STARD13: variants seen among roughly 807,000 people sequenced by gnomAD.
The protein encoded by STARD13 is stAR-related lipid transfer protein 13.
A neutral mutation model predicts 106.4 loss-of-function variants in STARD13; 62 were observed. That is an observed-to-expected ratio of 0.58 (90% confidence interval 0.48 to 0.72). The LOEUF (loss-of-function observed/expected upper bound fraction) is 0.72, where lower values mean the gene tolerates loss of function less well. Ranked by LOEUF, STARD13 falls within the 30% of genes least tolerant of loss-of-function variation. The probability of loss-of-function intolerance (pLI) is 0.00; values close to 1 mark genes in which losing one functional copy is unlikely to be tolerated. For missense variants in STARD13, 1,387 were observed against 1,424.0 expected (o/e 0.97, Z 0.42); for synonymous variants, 565 against 553.0 (o/e 1.02, Z -0.31).
intron 1 of STARD13, chr13:33,336,715 C>T (rs2138577997): frequency 7.1e-6 from 1 of 141,676 alleles, no homozygotes; most frequent in Admixed American, 7.5e-5. Context: ...AAGATCACAC[C>T]ACTGCACTCC....
the STARD13 span, among the ~76,000 whole-genome samples, chr13:33,583,806 AT>A: frequency 1.1e-4 from 17 of 149,230 alleles, no homozygotes; most frequent in Middle Eastern, 3.5e-3. Flanking sequence ...CATCATAACA[AT>A]TTTTTTTTTG....
chr13:33,204,254 G>A (rs1887251245), intron 1 of STARD13, among the ~76,000 whole-genome samples: 1 of 151,744 alleles, frequency 6.6e-6, no homozygotes. Flanking sequence ...TGGCATAGAT[G>A]ATTCCTTCAC....
intron 1 of STARD13, among the ~76,000 whole-genome samples, chr13:33,199,435 G>A (rs756433018): frequency 9.2e-5 from 14 of 152,200 alleles, no homozygotes; most frequent in Non-Finnish European, 1.5e-4. Context: ...AGTGAGATAA[G>A]CATTTAGGTC....
chr13:33,282,529 G>A (rs1024102268), intron 1 of STARD13, among the ~76,000 whole-genome samples: 1 of 152,074 alleles, frequency 6.6e-6, no homozygotes, highest in Non-Finnish European at 1.5e-5. Flanking sequence ...CAACTTACTT[G>A]TTTCCACTGT....
chr13:33,331,084 GCACCAAAGGAT>G (rs1481823166), intron 1 of STARD13, among the ~76,000 whole-genome samples: 1 of 152,118 alleles, frequency 6.6e-6, no homozygotes, highest in African/African-American at 2.4e-5. Flanking sequence ...ATCCAATAGA[GCACCAAAGGAT>G]GAGCTTTGCA....
intron 1 of STARD13, among the ~76,000 whole-genome samples, chr13:33,212,567 C>T (rs1018281024): frequency 6.6e-6 from 1 of 152,142 alleles, no homozygotes; most frequent in Non-Finnish European, 1.5e-5. Context: ...TGCAGATGTG[C>T]ATGAGGAGGA....
At chr13:33,171,661 G>A (rs1257906142) in intron 1 of STARD13, among the ~76,000 whole-genome samples, 31 of 152,170 alleles carry the variant, frequency 2.0e-4, no homozygotes, top group Non-Finnish European at 4.6e-4. Flanking sequence ...TTAGTCTAAG[G>A]AGACCAATAG....
chr13:33,256,684 C>CA (rs1410293729), intron 1 of STARD13, among the ~76,000 whole-genome samples: 2 of 152,064 alleles, frequency 1.3e-5, no homozygotes, highest in Non-Finnish European at 2.9e-5. Flanking sequence ...AAAATGACTG[C>CA]AAAAAACCTT....
chr13:33,127,339 CAAGGATCCCCTCCTAGGT>C lies in STARD13; in HGVS notation c.1922+16_1922+33del. On this transcript the variant is annotated intron_variant, in intron 6 of 13. Coordinates refer to ENST00000336934, the MANE Select transcript of STARD13 (RefSeq NM_178006.4). ...GCAATCACACACTTAGCTCTAGAGC[CAAGGATCCCCTCCTAGGT>C]GAATGTGCTACGCACCATGTCCAGC... 1 of 1,524,308 alleles carries C rather than the reference CAAGGATCCCCTCCTAGGT, an allele frequency of 6.6e-7. No homozygotes were observed. The highest frequency in any genetic ancestry group is 8.8e-7 in the Non-Finnish European group (1 of 1,139,106). 94.4% of individuals were successfully genotyped at this position (1,524,308 alleles called of 1,614,324 possible). A position where few individuals can be genotyped will look rare whatever the true frequency, so the allele number is the denominator to read the frequency against.
chr13:33,634,367 A>G, the STARD13 span, among the ~76,000 whole-genome samples: 1 of 152,244 alleles, frequency 6.6e-6, no homozygotes, highest in South Asian at 2.1e-4. Flanking sequence ...GAAGCTGTTC[A>G]GTAAATGCAT....
At chr13:33,401,731 T>C in the STARD13 span, among the ~76,000 whole-genome samples, 1 of 152,360 alleles carries the variant, frequency 6.6e-6, no homozygotes, top group South Asian at 2.1e-4. Flanking sequence ...GCAAATTTAC[T>C]TTCATCTTGA....
the STARD13 span, among the ~76,000 whole-genome samples, chr13:33,357,931 G>A: frequency 1.3e-5 from 2 of 152,216 alleles, no homozygotes; most frequent in Admixed American, 6.5e-5. Flanking sequence ...CCCTTTCTGG[G>A]CTGGCCAAGG....
the STARD13 span, among the ~76,000 whole-genome samples, chr13:33,455,235 G>A: frequency 8.5e-5 from 13 of 152,210 alleles, no homozygotes; most frequent in Admixed American, 8.5e-4. Flanking sequence ...CTCAGACTCT[G>A]AACAGGATGC....
chr13:33,432,410 C>T, the STARD13 span, among the ~76,000 whole-genome samples: 1 of 151,952 alleles, frequency 6.6e-6, no homozygotes, highest in Admixed American at 6.6e-5. Context: ...TAGAACAGTG[C>T]CTCATGAAAG....
chr13:33,440,201 C>A, the STARD13 span, among the ~76,000 whole-genome samples: 2 of 151,716 alleles, frequency 1.3e-5, no homozygotes, highest in Admixed American at 1.3e-4. Flanking sequence ...ATCTCTTGAG[C>A]CTGGGAGGCA....
At chr13:33,562,100 C>T in the STARD13 span, among the ~76,000 whole-genome samples, 2 of 146,502 alleles carry the variant, frequency 1.4e-5, no homozygotes, top group African/African-American at 5.1e-5. Flanking sequence ...CCCCCTTTTT[C>T]ATATGAGATA....
At chr13:33,246,328 T>G (rs1412758449) in intron 1 of STARD13, among the ~76,000 whole-genome samples, 2 of 152,210 alleles carry the variant, frequency 1.3e-5, no homozygotes, top group Admixed American at 1.3e-4. Context: ...GAACGTTACC[T>G]ATTCATTCAC....
intron 1 of STARD13, chr13:33,205,672 C>G (rs1668611074): frequency 5.5e-6 from 1 of 180,470 alleles, no homozygotes; most frequent in Non-Finnish European, 1.1e-5. Context: ...AATTTTAAAT[C>G]AAGTTCTTGT....
chr13:33,662,261 C>CAA, the STARD13 span, among the ~76,000 whole-genome samples: 280 of 124,736 alleles, frequency 2.2e-3, 4 homozygotes, highest in East Asian at 0.023. Context: ...GACCCCGTCT[C>CAA]AAAAAAAAAA....
Sources: allele counts gnomAD v4.1 joint callset (sites outside exome capture counted in the v4.1 genomes callset), GRCh38; gene constraint gnomAD v4.1.1; transcripts MANE v1.5; gene names NCBI Gene and HGNC (gene_info 2026-07-23, HGNC 2026-07-21).